Variants in CALN1 observed in about 807,000 individuals in gnomAD.
CALN1 encodes the protein calcium-binding protein 8.
Under a neutral mutation model 30.6 loss-of-function variants are expected in CALN1, and 17 were observed. The ratio of observed to expected loss-of-function variants is 0.56; its 90% CI spans 0.38 to 0.83. The LOEUF is 0.83. Among genes scored for constraint, CALN1 ranks in the 40% least tolerant of loss-of-function variants. The pLI is 0.00. For missense variants in CALN1, 291 were observed against 354.9 expected (o/e 0.82, Z 1.45); for synonymous variants, 156 against 131.4 (o/e 1.19, Z -1.28).
chr7:72,388,944 A>G (rs1288069646), intron 2 of CALN1, among the ~76,000 whole-genome samples: 2 of 152,180 alleles, frequency 1.3e-5, no homozygotes, highest in Admixed American at 6.5e-5. Flanking sequence ...GTGTGGCTGC[A>G]GATCGCTGGG....
intron 4 of CALN1, among the ~76,000 whole-genome samples, chr7:72,045,416 T>A (rs1027227490): frequency 6.6e-6 from 1 of 152,188 alleles, no homozygotes; most frequent in African/African-American, 2.4e-5. Context: ...TCTGTTTTGA[T>A]CTTGAATTGC....
At chr7:72,326,862 C>CA (rs1562889954) in intron 2 of CALN1, among the ~76,000 whole-genome samples, 4 of 152,300 alleles carry the variant, frequency 2.6e-5, no homozygotes, top group African/African-American at 4.8e-5. Context: ...CTCAGTCTCT[C>CA]TGACTGAGTC....
intron 5 of CALN1, among the ~76,000 whole-genome samples, chr7:71,922,645 ATAT>A (rs940135609): frequency 2.2e-5 from 3 of 138,230 alleles, no homozygotes; most frequent in Non-Finnish European, 3.0e-5. Flanking sequence ...ATAACAGAAT[ATAT>A]TATATATAAA....
chr7:72,254,597 C>G (rs920403043), intron 3 of CALN1, among the ~76,000 whole-genome samples: 2 of 152,072 alleles, frequency 1.3e-5, no homozygotes, highest in African/African-American at 4.8e-5. Context: ...AAACAGTGAT[C>G]AGAGGCTCAG....
intron 5 of CALN1, among the ~76,000 whole-genome samples, chr7:71,965,948 G>C (rs1481967165): frequency 6.6e-6 from 1 of 152,136 alleles, no homozygotes; most frequent in East Asian, 1.9e-4. Context: ...GTTGAAATAT[G>C]GAGTTTTGCA....
rs137911713 is a variant in CALN1 at position 71,800,343 on chromosome 7, C to T, written c.658+9993G>A. 3.4e-3 allele frequency among the ~76,000 whole-genome samples: 523 copies of T among 152,326 alleles called. 4 individuals are homozygous for T. The highest frequency in any genetic ancestry group is 0.011 in the African/African-American group (457 of 41,576). On this transcript the variant is annotated intron_variant, in intron 6 of 6. Transcript: ENST00000395275. Reference sequence around the variant, plus strand: ...GAATCCACACCTCTTCCCCAGGGGGCTTCCTGGGGCTGCCTGGCCTGTGTC... The same window carrying T: ...GAATCCACACCTCTTCCCCAGGGGGTTTCCTGGGGCTGCCTGGCCTGTGTC...
rs150767991 is a variant in CALN1, at chr7:71,921,232, G to A, written c.501+102425C>T. Among the ~76,000 whole-genome samples, 947 of 152,276 alleles carry A rather than the reference G, an allele frequency of 6.2e-3. 9 individuals carry two copies. The highest frequency in any genetic ancestry group is 0.015 in the African/African-American group (613 of 41,556). ...TCAGGGAGTGGGGGTCTAGGGAAGG[G>A]AGAGCATTAGGAGAAATACCTAATG... On this transcript the variant is annotated intron_variant, in intron 5 of 6. Transcript: ENST00000395275.
At chr7:71,934,868 AAG>A (rs1321898752) in intron 5 of CALN1, among the ~76,000 whole-genome samples, 3 of 152,180 alleles carry the variant, frequency 2.0e-5, no homozygotes, top group African/African-American at 7.2e-5. Context: ...GGTGGCAGAG[AAG>A]AGAGAGAACT....
At chr7:71,880,354 TACA>T (rs989691586) in intron 5 of CALN1, among the ~76,000 whole-genome samples, 1 of 152,116 alleles carries the variant, frequency 6.6e-6, no homozygotes, top group Non-Finnish European at 1.5e-5. Flanking sequence ...AGACTATAAT[TACA>T]ACATCACTAC....
chr7:71,977,490 CCAGA>C (rs978268775), intron 5 of CALN1, among the ~76,000 whole-genome samples: 15 of 152,070 alleles, frequency 9.9e-5, no homozygotes, highest in African/African-American at 3.6e-4. Flanking sequence ...AGAATTTAGA[CCAGA>C]CAGTGTTGCA....
intron 5 of CALN1, among the ~76,000 whole-genome samples, chr7:71,815,158 T>G (rs1032334267): frequency 6.6e-5 from 10 of 152,094 alleles, no homozygotes; most frequent in Non-Finnish European, 1.3e-4. Context: ...TTTTATATTA[T>G]TGGTAAGGCT....
chr7:72,427,548 A>G (rs1323692815), intron 1 of CALN1, among the ~76,000 whole-genome samples: 1 of 152,188 alleles, frequency 6.6e-6, no homozygotes, highest in Non-Finnish European at 1.5e-5. Flanking sequence ...TTCTTTAGAA[A>G]CAGGGTCTTG....
chr7:71,969,344 A>G (rs1277023671), intron 5 of CALN1, among the ~76,000 whole-genome samples: 1 of 151,712 alleles, frequency 6.6e-6, no homozygotes, highest in Non-Finnish European at 1.5e-5. Context: ...TTACTTTCCT[A>G]CTTTCATTTG....
intron 4 of CALN1, among the ~76,000 whole-genome samples, chr7:72,027,696 AGTGAGACCCT>A (rs1173809941): frequency 4.7e-5 from 7 of 148,252 alleles, no homozygotes; most frequent in African/African-American, 1.8e-4. Flanking sequence ...GGGTTGACAG[AGTGAGACCCT>A]GTCTCAAAAC....
chr7:71,922,868 TAATA>T (rs1428075144), intron 5 of CALN1, among the ~76,000 whole-genome samples: 1 of 127,556 alleles, frequency 7.8e-6, no homozygotes, highest in Non-Finnish European at 1.6e-5. Context: ...CAATGTATAT[TAATA>T]TATAAACATA....
chr7:71,881,624 G>T lies in CALN1; in HGVS notation c.502-71132C>A, dbSNP rs141888450. Reference sequence around the variant, plus strand: ...AAATGTTTCCAAGGCATTGATTCACGCTCCGATTAGAGCTCAACAGCCTTA... The same window carrying T: ...AAATGTTTCCAAGGCATTGATTCACTCTCCGATTAGAGCTCAACAGCCTTA... On this transcript the variant is annotated intron_variant, in intron 5 of 6. Coordinates refer to ENST00000395275, the MANE Select transcript of CALN1 (RefSeq NM_031468.4). Among the ~76,000 whole-genome samples, 346 of 152,162 alleles carry T rather than the reference G, an allele frequency of 2.3e-3. 1 individual carries two copies. Among genetic ancestry groups the T allele is most frequent in the African/African-American group, 8.1e-3 (337 of 41,526 alleles).
At chr7:72,224,184 A>T (rs1282397594) in intron 3 of CALN1, among the ~76,000 whole-genome samples, 1 of 152,206 alleles carries the variant, frequency 6.6e-6, no homozygotes, top group South Asian at 2.1e-4. Context: ...CTAAAATAAA[A>T]GTTGAAATTA....
At chr7:72,278,540 G>C in intron 3 of CALN1, 146 bp downstream of exon 3, 1 of 1,051,780 alleles carries the variant, frequency 9.5e-7, no homozygotes, top group Non-Finnish European at 1.4e-6. Context: ...CTTTGTCTCT[G>C]AACTCTTTCC....
chr7:72,223,051 G>A lies in CALN1; in HGVS notation c.244+55635C>T, dbSNP rs184854036. 4.2e-3 allele frequency among the ~76,000 whole-genome samples: 635 copies of A among 152,228 alleles called. 4 individuals carry two copies. Among genetic ancestry groups the A allele is most frequent in the Middle Eastern group, 0.031 (9 of 294 alleles). ...ATCAATGAAAAAAGAAAAGGAGAGGGTAGCCCCTGCTTAGGGTGAGCTACA... is the reference window on the plus strand; with the variant it reads ...ATCAATGAAAAAAGAAAAGGAGAGGATAGCCCCTGCTTAGGGTGAGCTACA... On this transcript the variant is annotated intron_variant, in intron 3 of 6. Coordinates refer to ENST00000395275, the MANE Select transcript of CALN1 (RefSeq NM_031468.4).
Sources: gnomAD v4.1 joint callset for allele counts (sites outside exome capture counted in the v4.1 genomes callset) on GRCh38, gnomAD v4.1.1 for gene constraint, MANE v1.5 for transcripts, NCBI Gene and HGNC (gene_info 2026-07-23, HGNC 2026-07-21) for gene names.